The following NFIA variants were observed in gnomAD, a reference collection of about 807,000 sequenced individuals.
NFIA encodes nuclear factor 1 A-type.
In NFIA, 8 loss-of-function variants were observed where a neutral mutation model predicts 62.8. The ratio of observed to expected loss-of-function variants is 0.13; its 90% CI spans 0.07 to 0.23. The LOEUF (loss-of-function observed/expected upper bound fraction) is 0.23. NFIA is among the 10% of genes least tolerant of loss of function. NFIA has a pLI of 1.00. For missense variants in NFIA, 410 were observed against 642.1 expected, an observed-to-expected ratio of 0.64 and a Z score of 3.91; for synonymous variants, 235 against 238.1, an observed-to-expected ratio of 0.99 and a Z score of 0.12.
At chr1:61,322,427 C>T (rs756293351) in intron 3 of NFIA, among the ~76,000 whole-genome samples, 13 of 152,176 alleles carry the variant, frequency 8.5e-5, no homozygotes, top group Non-Finnish European at 1.6e-4. Context: ...CAGTGTCATT[C>T]AGGGTCCCAG....
intron 2 of NFIA, among the ~76,000 whole-genome samples, chr1:61,216,151 T>C (rs542753154): frequency 6.6e-6 from 1 of 152,316 alleles, no homozygotes; most frequent in Non-Finnish European, 1.5e-5. Context: ...GTTTGGGCCA[T>C]TGTTGAACAT....
upstream of NFIA, among the ~76,000 whole-genome samples, chr1:61,078,791 C>A (rs1469857421): frequency 1.3e-5 from 2 of 152,196 alleles, no homozygotes; most frequent in Non-Finnish European, 2.9e-5. Flanking sequence ...ACCACAACAA[C>A]CCCCGTGGAG....
At chr1:61,181,677 G>C (rs942943092) in intron 2 of NFIA, among the ~76,000 whole-genome samples, 3 of 151,998 alleles carry the variant, frequency 2.0e-5, no homozygotes, top group Admixed American at 2.0e-4. Flanking sequence ...ATGTATCATA[G>C]CACTGTGGAA....
intron 3 of NFIA, among the ~76,000 whole-genome samples, chr1:61,305,805 G>A (rs1457887755): frequency 4.0e-5 from 6 of 151,536 alleles, no homozygotes; most frequent in Admixed American, 3.9e-4. Context: ...TAGCTCCAAA[G>A]GATTGCTTTC....
In NFIA at chr1:61,404,201, C is replaced by A; in HGVS notation, c.1173C>A (p.His391Gln). ...TCTCACACCCAGCCATCCGCTATCA[C>A]CCTCAGGAGACGCTGAAAGAATTTG... Reference protein sequence around the residue: ...PYFSHPAIRYHPQETLKEFVQ... With the variant: ...PYFSHPAIRYQPQETLKEFVQ... Residue 391 changes from histidine to glutamine, a missense_variant, in exon 8 of 11, where the codon CAC (histidine) becomes CAA (glutamine). By Grantham distance (24) the His-to-Gln change is conservative (BLOSUM62 0). Around this residue, in one of 3 missense-constraint regions of NFIA, gnomAD observed 298 missense variants for 438.1 expected, o/e 0.68. Transcript: ENST00000403491. The A allele has an allele frequency of 6.2e-7, 1 of 1,614,224 alleles. No individual in the cohort carries two copies. Among genetic ancestry groups the A allele is most frequent in the Non-Finnish European group, 8.5e-7 (1 of 1,180,044 alleles).
chr1:61,235,499 TAAA>T (rs1557653440), intron 2 of NFIA, among the ~76,000 whole-genome samples: 5 of 142,802 alleles, frequency 3.5e-5, no homozygotes, highest in African/African-American at 5.2e-5. Flanking sequence ...AATAAATAAA[TAAA>T]TAAAAATAAA....
intron 2 of NFIA, among the ~76,000 whole-genome samples, chr1:61,093,807 T>C (rs1394278979): frequency 6.6e-6 from 1 of 152,234 alleles, no homozygotes; most frequent in Non-Finnish European, 1.5e-5. Flanking sequence ...TTCCCAATGC[T>C]TCTGGCTTGG....
chr1:61,380,852 A>G (rs951406539), intron 6 of NFIA, among the ~76,000 whole-genome samples: 1 of 152,060 alleles, frequency 6.6e-6, no homozygotes, highest in African/African-American at 2.4e-5. Context: ...AAATTTTGCT[A>G]TTTTTGAACT....
chr1:61,330,436 A>AC (rs56688086), intron 3 of NFIA, among the ~76,000 whole-genome samples: 4,459 of 63,402 alleles, frequency 0.07, 368 homozygotes, highest in African/African-American at 0.14. Context: ...AAATAGATAC[A>AC]CCCCCCCCAC....
intron 10 of NFIA, among the ~76,000 whole-genome samples, chr1:61,446,027 G>GA (rs943620806): frequency 1.8e-4 from 26 of 148,426 alleles, no homozygotes; most frequent in South Asian, 4.2e-4. Context: ...TGAACGATTA[G>GA]AAAAAAAAAA....
In NFIA at chr1:61,222,140, G is replaced by A. The variant is rs556061231; in HGVS notation, c.560-55380G>A. On this transcript the variant is annotated intron_variant, in intron 2 of 10. Coordinates refer to ENST00000403491, the MANE Select transcript of NFIA (RefSeq NM_001134673.4). ...GTGTTTTAAGTTTTACTGTAGAAATGGATAGTGTGGGCTCTTTGTTATGGA... is the reference window on the plus strand; with the variant it reads ...GTGTTTTAAGTTTTACTGTAGAAATAGATAGTGTGGGCTCTTTGTTATGGA... Among the ~76,000 whole-genome samples, 5 of 152,244 alleles carry A rather than the reference G, an allele frequency of 3.3e-5. No individual in the cohort carries two copies. In the East Asian group the frequency reaches 9.6e-4, roughly 29 times the overall value.
chr1:61,203,884 C>G (rs1005011809), intron 2 of NFIA, among the ~76,000 whole-genome samples: 11 of 152,134 alleles, frequency 7.2e-5, no homozygotes, highest in Non-Finnish European at 1.3e-4. Context: ...TCTGTACATC[C>G]CCAAGATCGT....
Position 61,082,806 on chromosome 1 carries a change from C to G in NFIA, c.15C>G (p.Leu5=), listed in dbSNP as rs1646136399. Residue 5 remains leucine (L), a synonymous_variant, in exon 1 of 11, where the codon CTC becomes CTG. Transcript: ENST00000403491. ...GCCCGGCAGTTATGTATTCTCCGCTCTGTCTCACCCAGGTAAGCCGCGGCG... is the reference window on the plus strand; with the variant it reads ...GCCCGGCAGTTATGTATTCTCCGCTGTGTCTCACCCAGGTAAGCCGCGGCG... The part of the protein sequence containing the change: MYSP[L]CLTQDEFHPF... 6.5e-7 allele frequency: 1 copy of G among 1,549,380 alleles called. No individual in the cohort carries two copies. The highest frequency in any genetic ancestry group is 8.7e-7 in the Non-Finnish European group (1 of 1,146,030).
intron 2 of NFIA, among the ~76,000 whole-genome samples, chr1:61,185,138 T>G (rs1428622744): frequency 6.6e-6 from 1 of 152,174 alleles, no homozygotes; most frequent in Non-Finnish European, 1.5e-5. Flanking sequence ...TGCTTTATCT[T>G]TGCACCCTGA....
chr1:61,167,490 C>T (rs1278126009), intron 2 of NFIA, among the ~76,000 whole-genome samples: 1 of 152,070 alleles, frequency 6.6e-6, no homozygotes, highest in Non-Finnish European at 1.5e-5. Flanking sequence ...ACAAAGGGAG[C>T]CACAGGGTGA....
intron 10 of NFIA, among the ~76,000 whole-genome samples, chr1:61,438,989 A>G (rs1667455019): frequency 7.5e-6 from 1 of 133,074 alleles, no homozygotes; most frequent in Non-Finnish European, 1.6e-5. Context: ...CATTCCTAAC[A>G]TGCATGCAGA....
rs537429659 is a variant in NFIA at position 61,088,661 on chromosome 1, A to G, written c.540A>G (p.Ala180=). The G allele has an allele frequency of 9.9e-6, 16 of 1,613,210 alleles. No homozygotes were observed. Among genetic ancestry groups the G allele is most frequent in the Admixed American group, 8.3e-5 (5 of 59,940 alleles). Residue 180 remains alanine (A), a synonymous_variant, in exon 2 of 11, where the codon GCA becomes GCG. Coordinates refer to ENST00000403491, the MANE Select transcript of NFIA (RefSeq NM_001134673.4). This position sits in a 1 kb window ranked among gnomAD's most constrained non-coding sequence, Gnocchi z 4.5. ...TTAAGGAACTCGATTTATATTTGGC[A>G]TACTTTGTGCATGCAGCAGGTAAGT... is the stretch of plus-strand genomic sequence containing the variant. The part of the protein sequence containing the change: ...VSVKELDLYL[A]YFVHAADSSQ...
intron 3 of NFIA, among the ~76,000 whole-genome samples, chr1:61,319,449 T>A (rs1370306081): frequency 1.3e-5 from 2 of 152,126 alleles, no homozygotes; most frequent in Non-Finnish European, 1.5e-5. Flanking sequence ...ATGTCATACA[T>A]TGTACAAATG....
At chr1:61,136,580 A>G (rs998729539) in intron 2 of NFIA, among the ~76,000 whole-genome samples, 1 of 152,230 alleles carries the variant, frequency 6.6e-6, no homozygotes, top group South Asian at 2.1e-4. Context: ...TGGAAACTGG[A>G]TGAATTTCAA....
Sources: allele counts gnomAD v4.1 joint callset (sites outside exome capture counted in the v4.1 genomes callset), GRCh38; gene constraint gnomAD v4.1.1; regional missense constraint gnomAD v4.1.1; non-coding constraint Gnocchi (gnomAD v3.1); transcripts MANE v1.5; gene names NCBI Gene and HGNC (gene_info 2026-07-23, HGNC 2026-07-21).